The following TRRAP variants were observed in gnomAD, a reference collection of about 807,000 sequenced individuals.
The protein encoded by TRRAP is transformation/transcription domain-associated protein.
TRRAP carries 41 observed loss-of-function variants against 438.8 expected under a neutral mutation model. That is an observed-to-expected ratio of 0.09 (90% CI 0.07 to 0.12). TRRAP has a LOEUF of 0.12. TRRAP is among the 10% of genes least tolerant of loss of function. The pLI is 1.00. For missense variants in TRRAP, 3,122 were observed against 5,055.1 expected (o/e 0.62, Z 11.60); for synonymous variants, 1,994 against 1,962.9 (o/e 1.02, Z -0.42).
chr7:98,938,825 G>T (rs1790670366), intron 30 of TRRAP, among the ~76,000 whole-genome samples: 1 of 152,194 alleles, frequency 6.6e-6, no homozygotes, highest in East Asian at 1.9e-4. Flanking sequence ...TGGATCAAAA[G>T]AATGTATGCA....
At chr7:98,949,637 C>T in intron 36 of TRRAP, 23 bp from the exon 37 acceptor site, 1 of 1,602,876 alleles carries the variant, frequency 6.2e-7, no homozygotes. Flanking sequence ...GACACGGTTC[C>T]CTAATTATCT....
intron 3 of TRRAP, among the ~76,000 whole-genome samples, chr7:98,882,363 C>CT (rs531239628): frequency 0.023 from 3,121 of 138,106 alleles, 30 homozygotes; most frequent in Non-Finnish European, 0.027. Flanking sequence ...TCTTTTCTTT[C>CT]TTTTTTTTTT....
chr7:98,968,416 C>T (rs1299138809), intron 51 of TRRAP, among the ~76,000 whole-genome samples: 5 of 152,218 alleles, frequency 3.3e-5, no homozygotes, highest in South Asian at 4.1e-4. Context: ...GTGCTGGCAA[C>T]ACAAGCGTGT....
chr7:98,901,480 G>A (rs1013956299), intron 11 of TRRAP, among the ~76,000 whole-genome samples: 1 of 152,208 alleles, frequency 6.6e-6, no homozygotes, highest in East Asian at 1.9e-4. Flanking sequence ...GTATCATGGT[G>A]TGTGTTTATC....
intron 64 of TRRAP, among the ~76,000 whole-genome samples, chr7:98,990,855 A>G (rs1262518340): frequency 6.6e-6 from 1 of 152,228 alleles, no homozygotes; most frequent in Non-Finnish European, 1.5e-5. Context: ...TAAAATTCTA[A>G]TTTCTTAAAC....
intron 18 of TRRAP, among the ~76,000 whole-genome samples, chr7:98,913,364 A>G (rs1463075978): frequency 6.6e-6 from 1 of 151,586 alleles, no homozygotes; most frequent in Non-Finnish European, 1.5e-5. Context: ...ATCTTGGCTC[A>G]CTGCAACCTC....
chr7:98,993,183 A>G (rs1196783652), intron 65 of TRRAP, among the ~76,000 whole-genome samples: 1 of 152,234 alleles, frequency 6.6e-6, no homozygotes, highest in Non-Finnish European at 1.5e-5. Flanking sequence ...TAGGATGATC[A>G]GACGTAACAG....
Position 99,012,549 on chromosome 7 carries a change from G to T in TRRAP, c.*194G>T. 1 of 669,910 alleles carries T rather than the reference G, an allele frequency of 1.5e-6. No homozygotes were observed. The highest frequency in any genetic ancestry group is 2.4e-6 in the Non-Finnish European group (1 of 415,336). 41.5% of individuals were successfully genotyped at this position (669,910 alleles called of 1,614,324 possible). A position where few individuals can be genotyped will look rare whatever the true frequency, so the allele number is the denominator to read the frequency against. On this transcript the variant is annotated 3_prime_UTR_variant, in exon 73 of 73. Transcript: ENST00000456197. This position sits in a 1 kb window ranked among gnomAD's most constrained non-coding sequence, Gnocchi z 5.9. ...TTAGAGGAAGCTGAACTATGACGAT[G>T]CTGGGCGAAGCGGTTGGAAATGGCA...
chr7:98,896,406 C>CT (rs202116652), intron 7 of TRRAP, among the ~76,000 whole-genome samples: 1 of 150,656 alleles, frequency 6.6e-6, no homozygotes, highest in Non-Finnish European at 1.5e-5. Context: ...ATAATTCTTT[C>CT]TTTTTTTTTG....
chr7:98,943,985 C>T (rs548958860), intron 31 of TRRAP, among the ~76,000 whole-genome samples: 22 of 152,248 alleles, frequency 1.4e-4, no homozygotes, highest in African/African-American at 2.9e-4. Flanking sequence ...GTCTTGTTTC[C>T]TACTGCTTCT....
intron 18 of TRRAP, among the ~76,000 whole-genome samples, chr7:98,915,114 A>G (rs573632259): frequency 2.0e-5 from 3 of 152,184 alleles, no homozygotes; most frequent in Non-Finnish European, 4.4e-5. Context: ...CCAAAACGCT[A>G]TAGTCTTCAA....
chr7:98,977,251 T>C (rs1427804518), intron 56 of TRRAP, among the ~76,000 whole-genome samples, 175 bp downstream of exon 56: 1 of 152,166 alleles, frequency 6.6e-6, no homozygotes, highest in Non-Finnish European at 1.5e-5. Flanking sequence ...AACCTCCACC[T>C]CCCAGGTTCA....
chr7:98,926,975 C>T (rs1221649445), intron 22 of TRRAP, among the ~76,000 whole-genome samples, 192 bp from the exon 23 acceptor site: 4 of 152,128 alleles, frequency 2.6e-5, no homozygotes, highest in African/African-American at 7.2e-5. Flanking sequence ...GCCAGGATCG[C>T]GCCATTGCAC....
chr7:98,901,179 G>A (rs1320225196), intron 11 of TRRAP, among the ~76,000 whole-genome samples: 4 of 152,258 alleles, frequency 2.6e-5, no homozygotes, highest in Non-Finnish European at 5.9e-5. Flanking sequence ...CTGGAGGCTG[G>A]AAGTCTGAGA....
Position 98,999,034 on chromosome 7 carries a change from A to C in TRRAP, c.10309+4186A>C, listed in dbSNP as rs1247152733. ...GCACACCACATCTGCCACCAGCTCC[A>C]AGGTGGATGGGAGGAGAAGGCAGCC... On this transcript the variant is annotated intron_variant, in intron 67 of 72. Transcript: ENST00000456197. The C allele has an allele frequency of 3.7e-6, 3 of 807,184 alleles. No individual in the cohort carries two copies. The African/African-American group carries it at 5.2e-5, about 14-fold the overall frequency. 50.0% of individuals were successfully genotyped at this position (807,184 alleles called of 1,614,324 possible).
intron 13 of TRRAP, 98 bp downstream of exon 13, chr7:98,906,353 G>T: frequency 1.2e-6 from 1 of 855,588 alleles, no homozygotes. Flanking sequence ...ACCGGCTGTT[G>T]AGCCTTGACA....
At chr7:98,945,653 TA>T in intron 31 of TRRAP, 93 bp from the exon 32 acceptor site, 1 of 1,433,012 alleles carries the variant, frequency 7.0e-7, no homozygotes, top group Non-Finnish European at 9.5e-7. Flanking sequence ...ACTGTCTTGT[TA>T]ACCCCAATAA....
chr7:98,942,664 C>T (rs1790850415), intron 30 of TRRAP, among the ~76,000 whole-genome samples: 1 of 152,188 alleles, frequency 6.6e-6, no homozygotes, highest in Non-Finnish European at 1.5e-5. Flanking sequence ...ACTCAGTGAA[C>T]AGCTAGGAAA....
intron 8 of TRRAP, among the ~76,000 whole-genome samples, chr7:98,899,025 T>TA (rs1435468902): frequency 6.6e-6 from 1 of 151,998 alleles, no homozygotes; most frequent in African/African-American, 2.4e-5. Flanking sequence ...GCATCTCTAC[T>TA]AAAAAACACA....
Sources: gnomAD v4.1 joint callset for allele counts (sites outside exome capture counted in the v4.1 genomes callset) on GRCh38, gnomAD v4.1.1 for gene constraint, Gnocchi (gnomAD v3.1) non-coding constraint, MANE v1.5 for transcripts, NCBI Gene and HGNC (gene_info 2026-07-23, HGNC 2026-07-21) for gene names.